The following PKD2 variants were observed in gnomAD, a reference collection of about 807,000 sequenced individuals.
PKD2 encodes the protein polycystin 2, transient receptor potential cation channel, also known as polycystin-2.
PKD2 carries 48 observed loss-of-function variants against 105.9 expected under a neutral mutation model. That is an observed-to-expected ratio of 0.45 (90% CI 0.36 to 0.58). PKD2 has a LOEUF of 0.58. PKD2 is among the 20% of genes least tolerant of loss of function. PKD2 has a pLI of 0.00. For missense variants in PKD2, 1,078 were observed against 1,255.3 expected (o/e 0.86, Z 2.13); for synonymous variants, 464 against 481.1 (o/e 0.96, Z 0.46).
Position 88,036,310 on chromosome 4 carries a change from A to G in PKD2, c.800A>G (p.Lys267Arg). ...FLDTPVSKTEKTNFKTLSSME... is the reference protein window; with the variant it reads ...FLDTPVSKTERTNFKTLSSME... The stretch of plus-strand genomic sequence containing the variant: ...GACACCCCCGTGTCCAAAACGGAGA[A>G]AACTAACTTTAAAACTCTGTCTTCC... Residue 267 changes from lysine (K) to arginine (R), a missense_variant, in exon 3 of 15, where the codon AAA (lysine) becomes AGA (arginine). Transcript: ENST00000237596. The G allele has an allele frequency of 6.2e-7, 1 of 1,614,164 alleles. No homozygotes were observed. The highest frequency in any genetic ancestry group is 1.1e-5 in the South Asian group (1 of 91,084).
chr4:88,016,195 C>G (rs1323305475), intron 1 of PKD2, among the ~76,000 whole-genome samples: 1 of 152,214 alleles, frequency 6.6e-6, no homozygotes, highest in Non-Finnish European at 1.5e-5. Context: ...AGGCCATGGA[C>G]CAGTACCCGT....
chr4:88,048,647 C>G (rs1727862809), intron 6 of PKD2, among the ~76,000 whole-genome samples: 2 of 152,236 alleles, frequency 1.3e-5, no homozygotes, highest in South Asian at 4.1e-4. Flanking sequence ...AGAGTTTTTA[C>G]TTAAAGTAAA....
intron 7 of PKD2, among the ~76,000 whole-genome samples, chr4:88,053,073 C>T (rs1391664466): frequency 1.3e-5 from 2 of 152,164 alleles, no homozygotes; most frequent in Admixed American, 1.3e-4. Flanking sequence ...AGCTGCCATT[C>T]GGTCACCAGC....
intron 13 of PKD2, among the ~76,000 whole-genome samples, chr4:88,070,595 T>TAG (rs1230764764): frequency 0.015 from 1,445 of 98,248 alleles, 8 homozygotes; most frequent in Admixed American, 0.019. Context: ...TATATATATA[T>TAG]ATATATAGAG....
chr4:88,022,055 C>G (rs1560599432), intron 2 of PKD2, among the ~76,000 whole-genome samples: 1 of 152,184 alleles, frequency 6.6e-6, no homozygotes, highest in Non-Finnish European at 1.5e-5. Flanking sequence ...CTTGTGCAAC[C>G]TACCATGGCC....
intron 1 of PKD2, among the ~76,000 whole-genome samples, chr4:88,017,128 A>G (rs1436650195): frequency 6.6e-6 from 1 of 152,164 alleles, no homozygotes; most frequent in African/African-American, 2.4e-5. Context: ...ATTCGAGACC[A>G]GCCTGGGCAA....
chr4:88,017,555 G>A lies in PKD2; in HGVS notation c.596-1903G>A, dbSNP rs573039835. ...CTCCCATGTAGCTGGGATTACAGGC[G>A]CCCGCCACCACACCTGGCTAAGTTT... On this transcript the variant is annotated intron_variant, in intron 1 of 14. Transcript: ENST00000237596. Among the ~76,000 whole-genome samples, 22 of 152,024 alleles carry A rather than the reference G, an allele frequency of 1.4e-4. No homozygotes were observed. In the East Asian group the frequency reaches 2.7e-3, roughly 19 times the overall value.
At chr4:88,012,641 A>G (rs561554972) in intron 1 of PKD2, among the ~76,000 whole-genome samples, 1 of 152,180 alleles carries the variant, frequency 6.6e-6, no homozygotes, top group East Asian at 1.9e-4. Context: ...TATATTATGT[A>G]AATGGACTTA....
chr4:88,008,113 C>T lies in PKD2; in HGVS notation c.380C>T (p.Ala127Val), dbSNP rs1200666784. 1 of 1,511,110 alleles carries T rather than the reference C, an allele frequency of 6.6e-7. No homozygotes were observed. The highest frequency in any genetic ancestry group is 2.1e-5 in the Admixed American group (1 of 48,416). The allele number at this position is 1,511,110 out of a possible 1,614,324, so 93.6% of individuals were successfully genotyped here. A position where few individuals can be genotyped will look rare whatever the true frequency, so the allele number is the denominator to read the frequency against. Residue 127 changes from alanine (A) to valine (V), a missense_variant, in exon 1 of 15, where the codon GCC becomes GTC. Ala to Val is a moderately conservative substitution (Grantham distance 64). Around this residue, in one of 2 missense-constraint regions of PKD2, gnomAD observed 868 missense variants for 1,067.3 expected, o/e 0.81. Coordinates refer to ENST00000237596, the MANE Select transcript of PKD2 (RefSeq NM_000297.4). ...EWRPGSRRSA[A>V]SSAVSSVGAR... ...CGCCCGGGCAGCCGGAGGTCGGCCGCCTCCTCGGCCGTGAGCTCCGTGGGC... is the reference window on the plus strand; with the variant it reads ...CGCCCGGGCAGCCGGAGGTCGGCCGTCTCCTCGGCCGTGAGCTCCGTGGGC...
At chr4:88,028,906 A>G (rs1420797083) in intron 2 of PKD2, among the ~76,000 whole-genome samples, 2 of 152,260 alleles carry the variant, frequency 1.3e-5, no homozygotes. Flanking sequence ...ACTAGCCAAT[A>G]CTACCATTCT....
chr4:88,025,201 T>A (rs1266914623), intron 2 of PKD2, among the ~76,000 whole-genome samples: 2 of 152,092 alleles, frequency 1.3e-5, no homozygotes, highest in African/African-American at 4.8e-5. Flanking sequence ...CTCATGCTTA[T>A]AATCCCAGTA....
At chr4:88,055,631 A>G (rs777875009) in intron 7 of PKD2, among the ~76,000 whole-genome samples, 1 of 139,920 alleles carries the variant, frequency 7.1e-6, no homozygotes, top group Non-Finnish European at 1.5e-5. Context: ...GAGCCACTGC[A>G]CTCAGCCTTT....
intron 8 of PKD2, among the ~76,000 whole-genome samples, chr4:88,057,487 G>A (rs1055556706): frequency 6.8e-5 from 10 of 146,244 alleles, no homozygotes; most frequent in Non-Finnish European, 1.0e-4. Flanking sequence ...CCAAGCTAGA[G>A]TGCAGCGGTG....
chr4:88,050,572 A>T (rs554945028), intron 6 of PKD2, among the ~76,000 whole-genome samples: 1 of 152,338 alleles, frequency 6.6e-6, no homozygotes, highest in South Asian at 2.1e-4. Context: ...ATTATTTTAT[A>T]AACATTTGTC....
intron 2 of PKD2, 61 bp from the exon 3 acceptor site, chr4:88,036,159 C>A: frequency 6.2e-7 from 1 of 1,613,128 alleles, no homozygotes; most frequent in South Asian, 1.1e-5. Context: ...GTGAAGGCTG[C>A]TGGTATGTGA....
At chr4:88,062,907 C>T (rs1720632226) in intron 10 of PKD2, among the ~76,000 whole-genome samples, 1 of 152,222 alleles carries the variant, frequency 6.6e-6, no homozygotes, top group South Asian at 2.1e-4. Flanking sequence ...GCAAGCACTC[C>T]TCACTTGGCA....
intron 5 of PKD2, among the ~76,000 whole-genome samples, chr4:88,045,817 C>T (rs1727744988): frequency 6.6e-6 from 1 of 152,268 alleles, no homozygotes; most frequent in East Asian, 1.9e-4. Context: ...GAAAACTACC[C>T]TGGAGGACAA....
chr4:88,066,522 C>T (rs938727285), intron 12 of PKD2, among the ~76,000 whole-genome samples: 3 of 151,786 alleles, frequency 2.0e-5, no homozygotes, highest in Non-Finnish European at 2.9e-5. Flanking sequence ...CCATCATGCC[C>T]GGCTAATTTT....
intron 4 of PKD2, among the ~76,000 whole-genome samples, chr4:88,041,260 A>G (rs944365331): frequency 7.2e-5 from 11 of 152,088 alleles, no homozygotes; most frequent in Non-Finnish European, 1.5e-4. Flanking sequence ...GCTGGCAGTC[A>G]CTGTGGTTAC....
Sources: gnomAD v4.1 joint callset for allele counts (sites outside exome capture counted in the v4.1 genomes callset) on GRCh38, gnomAD v4.1.1 for gene constraint, gnomAD v4.1.1 regional missense constraint, MANE v1.5 for transcripts, NCBI Gene and HGNC (gene_info 2026-07-23, HGNC 2026-07-21) for gene names.